UBE2K: variants seen among roughly 807,000 people sequenced by gnomAD.
UBE2K encodes the protein ubiquitin conjugating enzyme E2 K.
Under a neutral mutation model 30.0 loss-of-function variants are expected in UBE2K, and 6 were observed. The observed-to-expected ratio is 0.20, with a 90% CI of 0.11 to 0.39. The LOEUF is 0.39. Among genes scored for constraint, UBE2K ranks in the 10% least tolerant of loss-of-function variants. UBE2K has a pLI of 1.00. For synonymous variants in UBE2K, 86 were observed against 83.7 expected, an observed-to-expected ratio of 1.03 and a Z score of -0.15; for missense variants, 61 against 241.6, an observed-to-expected ratio of 0.25 and a Z score of 4.96.
chr4:39,712,058 A>AT (rs1718721299), intron 1 of UBE2K, among the ~76,000 whole-genome samples: 1 of 148,530 alleles, frequency 6.7e-6, no homozygotes, highest in African/African-American at 2.5e-5. Flanking sequence ...AATAGTCACT[A>AT]TTTTTTGTAA....
At chr4:39,712,357 G>C (rs1718748347) in intron 1 of UBE2K, among the ~76,000 whole-genome samples, 1 of 127,822 alleles carries the variant, frequency 7.8e-6, no homozygotes, top group African/African-American at 3.0e-5. Flanking sequence ...ACCCGCCACT[G>C]CGCCCGGCCA....
At chr4:39,777,040 A>G (rs1347015193) in intron 5 of UBE2K, among the ~76,000 whole-genome samples, 2 of 152,224 alleles carry the variant, frequency 1.3e-5, no homozygotes, top group Admixed American at 6.5e-5. Context: ...ATAGTTAGTA[A>G]TTTATACTTT....
intron 1 of UBE2K, among the ~76,000 whole-genome samples, chr4:39,727,932 C>A (rs1180780001): frequency 6.6e-6 from 1 of 151,950 alleles, no homozygotes; most frequent in African/African-American, 2.4e-5. Context: ...GAGTTCGAGA[C>A]CAGCCTGGCC....
intron 1 of UBE2K, among the ~76,000 whole-genome samples, chr4:39,736,338 T>C (rs1235573672): frequency 1.3e-5 from 2 of 152,144 alleles, no homozygotes; most frequent in East Asian, 3.8e-4. Context: ...AGTGGGTGCC[T>C]GTAATCCCAG....
Position 39,756,603 on chromosome 4 carries a change from C to T in UBE2K, c.299+864C>T, listed in dbSNP as rs146321051. ...AAGTAGCTGGGAATACAGGCGCATACCACCACACCTGGCTAATGTTTGTAT... is the reference window on the plus strand; with the variant it reads ...AAGTAGCTGGGAATACAGGCGCATATCACCACACCTGGCTAATGTTTGTAT... On this transcript the variant is annotated intron_variant, in intron 4 of 6. Transcript: ENST00000261427. Among the ~76,000 whole-genome samples, 15 of 152,136 alleles carry T rather than the reference C, an allele frequency of 9.9e-5. No individual in the cohort carries two copies. In the East Asian group the frequency reaches 2.9e-3, roughly 29 times the overall value.
chr4:39,776,966 G>A (rs538005518), intron 5 of UBE2K, among the ~76,000 whole-genome samples: 117 of 152,046 alleles, frequency 7.7e-4, no homozygotes, highest in Non-Finnish European at 5.7e-4. Context: ...TAGATTTATC[G>A]TTTTAATATG....
chr4:39,714,507 T>G (rs1462446115), intron 1 of UBE2K: 1 of 131,788 alleles, frequency 7.6e-6, no homozygotes, highest in African/African-American at 3.0e-5. Context: ...TCCTTGTCTT[T>G]TAGAAGTTTC....
intron 4 of UBE2K, among the ~76,000 whole-genome samples, chr4:39,769,534 G>A (rs1712602029): frequency 6.6e-6 from 1 of 151,168 alleles, no homozygotes; most frequent in African/African-American, 2.4e-5. Context: ...CCTCATACTT[G>A]CAGTCTCATT....
At chr4:39,732,115 A>G (rs1225542352) in intron 1 of UBE2K, among the ~76,000 whole-genome samples, 1 of 152,208 alleles carries the variant, frequency 6.6e-6, no homozygotes, top group Admixed American at 6.6e-5. Flanking sequence ...GAGTCAGCAT[A>G]TTACAATGAT....
chr4:39,779,048 C>CT lies in UBE2K; in HGVS notation c.*614_*615insT, dbSNP rs2109420821. The CT allele has an allele frequency of 6.9e-6, 1 of 145,712 alleles. No homozygotes were observed. Among genetic ancestry groups the CT allele is most frequent in the East Asian group, 2.0e-4 (1 of 4,894 alleles). 9.0% of individuals were successfully genotyped at this position (145,712 alleles called of 1,614,324 possible). On this transcript the variant is annotated 3_prime_UTR_variant, in exon 7 of 7. Transcript: ENST00000261427. ...AGTGTCTGATTCCCCCTTCACCCCC[C>CT]CCACCCCCGCCTTGCCACACACAGC...
rs1213577428 is a variant in UBE2K, at chr4:39,745,783, A to G, written c.189A>G (p.Pro63=). Residue 63 remains proline, a synonymous_variant, in exon 3 of 7, where the codon CCA becomes CCG. Transcript: ENST00000261427. ...GATACCAACTAGAGATAAAAATACC[A>G]GAAACATACCCATTTAATCCCCCTA... The part of the protein sequence containing the change: ...GGRYQLEIKI[P]ETYPFNPPKV... 6.2e-7 allele frequency: 1 copy of G among 1,607,802 alleles called. No individual in the cohort carries two copies. Among genetic ancestry groups the G allele is most frequent in the Non-Finnish European group, 8.5e-7 (1 of 1,177,174 alleles).
At chr4:39,701,587 C>T (rs910054115) in intron 1 of UBE2K, among the ~76,000 whole-genome samples, 2 of 152,106 alleles carry the variant, frequency 1.3e-5, no homozygotes, top group South Asian at 2.1e-4. Context: ...TATTGTCCCA[C>T]GCTGTCATGA....
Position 39,698,143 on chromosome 4 carries a change from TG to T in UBE2K, c.-183del, listed in dbSNP as rs1338728894. 5 of 644,264 alleles carry T rather than the reference TG, an allele frequency of 7.8e-6. No individual in the cohort carries two copies. The East Asian group carries it at 1.4e-4, about 18-fold the overall frequency. The allele number at this position is 644,264 out of a possible 1,614,324, so 39.9% of individuals were successfully genotyped here. ...CGCATGCGCCGACCCGGCGCCATTT[TG>T]GTGGCCGGGCGCGGAGGTGATTCCA... On this transcript the variant is annotated 5_prime_UTR_variant, in exon 1 of 7. Transcript: ENST00000261427.
Position 39,777,686 on chromosome 4 carries a change from A to G in UBE2K, c.404A>G (p.Lys135Arg), listed in dbSNP as rs2109418581. The change falls in exon 6 of 7, where the codon AAA becomes AGA. Residue 135 changes from lysine (K) to arginine (R), a missense_variant. Transcript: ENST00000261427. ...PQDAVVANQY[K>R]QNPEMFKQTA... ...TCAATTTTTCCCCCCATATAGTACAAACAAAATCCCGAAATGTTCAAACAG... is the reference window on the plus strand; with the variant it reads ...TCAATTTTTCCCCCCATATAGTACAGACAAAATCCCGAAATGTTCAAACAG... The G allele has an allele frequency of 6.4e-7, 1 of 1,558,458 alleles. No individual in the cohort carries two copies. Among genetic ancestry groups the G allele is most frequent in the East Asian group, 2.4e-5 (1 of 42,254 alleles).
At chr4:39,729,913 T>C (rs1046729940) in intron 1 of UBE2K, among the ~76,000 whole-genome samples, 3 of 152,224 alleles carry the variant, frequency 2.0e-5, no homozygotes, top group African/African-American at 7.2e-5. Flanking sequence ...TCAAGGAAGC[T>C]TCCTCTTACT....
At chr4:39,749,300 A>C (rs1721133714) in intron 3 of UBE2K, among the ~76,000 whole-genome samples, 1 of 152,228 alleles carries the variant, frequency 6.6e-6, no homozygotes. Flanking sequence ...TCTAGCATTA[A>C]ATTGCAATGT....
intron 4 of UBE2K, chr4:39,771,025 A>AC: frequency 6.2e-7 from 1 of 1,611,946 alleles, no homozygotes; most frequent in Non-Finnish European, 8.5e-7. Context: ...AGCCTCACGG[A>AC]CCCCATCCTC....
intron 3 of UBE2K, among the ~76,000 whole-genome samples, chr4:39,753,254 G>C (rs1033782772): frequency 2.0e-5 from 3 of 152,106 alleles, no homozygotes; most frequent in South Asian, 2.1e-4. Flanking sequence ...GCTGGGTGTG[G>C]TGGTGTGTGC....
At chr4:39,771,490 C>T (rs1277679815) in intron 4 of UBE2K, 2 of 1,479,366 alleles carry the variant, frequency 1.4e-6, no homozygotes, top group East Asian at 2.4e-5. Flanking sequence ...TTTTTTTAAT[C>T]CCCTATTTTC....
Sources: gnomAD v4.1 joint callset for allele counts (sites outside exome capture counted in the v4.1 genomes callset) on GRCh38, gnomAD v4.1.1 for gene constraint, MANE v1.5 for transcripts, NCBI Gene and HGNC (gene_info 2026-07-23, HGNC 2026-07-21) for gene names.